TBC1D1: variants seen among roughly 807,000 people sequenced by gnomAD.
TBC1D1 encodes the protein TBC1 (tre-2/USP6, BUB2, cdc16) domain family, member 1.
A neutral mutation model predicts 125.6 loss-of-function variants in TBC1D1; 89 were observed. The observed-to-expected ratio is 0.71, with a 90% confidence interval of 0.60 to 0.85. TBC1D1 has a LOEUF of 0.85. Among genes scored for constraint, TBC1D1 ranks in the 40% least tolerant of loss-of-function variants. TBC1D1 has a pLI of 0.00. For synonymous variants in TBC1D1, 565 were observed against 564.1 expected (o/e 1.00, Z -0.02); for missense variants, 1,377 against 1,469.2 (o/e 0.94, Z 1.03).
Position 38,049,952 on chromosome 4 carries a change from C to A in TBC1D1, c.1910+54C>A. 7 of 1,540,372 alleles carry A rather than the reference C, an allele frequency of 4.5e-6. No individual in the cohort carries two copies. In the South Asian group the frequency reaches 6.1e-5, roughly 13 times the overall value. On this transcript the variant is annotated intron_variant, in intron 11 of 19. Transcript: ENST00000261439. ...ATAGCTGGGGCATATCTGTGACTAG[C>A]CAGGTATGTGCATCCCAGGTATGTT...
At chr4:38,108,656 G>A (rs190044677) in intron 15 of TBC1D1, among the ~76,000 whole-genome samples, 3 of 152,332 alleles carry the variant, frequency 2.0e-5, no homozygotes, top group Non-Finnish European at 2.9e-5. Flanking sequence ...TGTGGGTCAC[G>A]GGTCCAGCAG....
chr4:37,999,306 T>TTTAACCTACATGTTGTAGGTAAAG (rs1578210914), intron 2 of TBC1D1, among the ~76,000 whole-genome samples: 3 of 152,308 alleles, frequency 2.0e-5, no homozygotes, highest in African/African-American at 7.2e-5. Flanking sequence ...TTCTTTCATG[T>TTTAACCTACATGTTGTAGGTAAAG]TTAACCTACA....
In TBC1D1 at chr4:38,064,439, C is replaced by T. The variant is rs537702091; in HGVS notation, c.2050+10101C>T. Among the ~76,000 whole-genome samples the T allele has an allele frequency of 4.6e-5, 7 of 152,254 alleles. No individual in the cohort carries two copies. The South Asian group carries it at 1.5e-3, about 32-fold the overall frequency. On this transcript the variant is annotated intron_variant, in intron 12 of 19. Coordinates refer to ENST00000261439, the MANE Select transcript of TBC1D1 (RefSeq NM_015173.4). ...GTCCTGCTGGCCCTAGGCTTTCCTG[C>T]AGGCTGCCATGTGCCTTTCTTCTGC...
chr4:38,008,101 G>T (rs1201118385), intron 2 of TBC1D1, among the ~76,000 whole-genome samples: 1 of 152,242 alleles, frequency 6.6e-6, no homozygotes, highest in African/African-American at 2.4e-5. Flanking sequence ...AGTGCTTTCA[G>T]TGAAGGGGCT....
intron 3 of TBC1D1, 99 bp from the exon 4 acceptor site, chr4:38,018,255 G>A (rs912676562): frequency 2.2e-6 from 2 of 900,016 alleles, no homozygotes; most frequent in African/African-American, 1.7e-5. Flanking sequence ...CGATGATAGA[G>A]TCAGAATTTT....
chr4:38,030,019 G>A (rs1201720980), intron 7 of TBC1D1, among the ~76,000 whole-genome samples: 2 of 152,084 alleles, frequency 1.3e-5, no homozygotes, highest in African/African-American at 4.8e-5. Context: ...TCTAATGCTG[G>A]CCCACTTACT....
chr4:38,070,280 T>G (rs1403179534), intron 12 of TBC1D1, among the ~76,000 whole-genome samples: 1 of 152,238 alleles, frequency 6.6e-6, no homozygotes, highest in Non-Finnish European at 1.5e-5. Flanking sequence ...CAACATTTGA[T>G]TAATATATTT....
At chr4:37,925,193 C>A (rs531267881) in intron 2 of TBC1D1, among the ~76,000 whole-genome samples, 23 of 152,318 alleles carry the variant, frequency 1.5e-4, no homozygotes, top group African/African-American at 5.1e-4. Context: ...CCCGTGAATT[C>A]GAAGAAAGTG....
chr4:38,011,955 T>C (rs970672896), intron 2 of TBC1D1, among the ~76,000 whole-genome samples: 2 of 152,212 alleles, frequency 1.3e-5, no homozygotes, highest in African/African-American at 4.8e-5. Flanking sequence ...TTCATGTGAC[T>C]TCACACATTT....
intron 2 of TBC1D1, among the ~76,000 whole-genome samples, chr4:37,910,419 C>T (rs1718332098): frequency 6.6e-6 from 1 of 152,148 alleles, no homozygotes; most frequent in Non-Finnish European, 1.5e-5. Context: ...ATGTAAAAAT[C>T]TCAATAGTTT....
intron 2 of TBC1D1, among the ~76,000 whole-genome samples, chr4:37,918,759 T>G (rs572541371): frequency 1.3e-5 from 2 of 152,324 alleles, no homozygotes; most frequent in South Asian, 4.1e-4. Context: ...GGCATTTCCC[T>G]TGTAAGCCTA....
chr4:38,101,099 G>A (rs1202302508), intron 14 of TBC1D1, among the ~76,000 whole-genome samples: 3 of 152,170 alleles, frequency 2.0e-5, no homozygotes, highest in Admixed American at 6.5e-5. Flanking sequence ...TACACATAAC[G>A]TGCATGGAAT....
chr4:37,896,427 C>T (rs557258476), intron 1 of TBC1D1, among the ~76,000 whole-genome samples: 68 of 152,326 alleles, frequency 4.5e-4, no homozygotes, highest in African/African-American at 1.5e-3. Flanking sequence ...ATCCTTTCTT[C>T]ATGTACCTCC....
chr4:37,948,858 T>C (rs1727270088), intron 2 of TBC1D1, among the ~76,000 whole-genome samples: 1 of 152,214 alleles, frequency 6.6e-6, no homozygotes, highest in Non-Finnish European at 1.5e-5. Context: ...TTCACATGAA[T>C]AGAATCATGT....
intron 18 of TBC1D1, among the ~76,000 whole-genome samples, chr4:38,129,415 CGTT>C (rs1382994489): frequency 2.0e-5 from 3 of 152,142 alleles, no homozygotes; most frequent in Non-Finnish European, 4.4e-5. Flanking sequence ...TTACCACTGG[CGTT>C]GTTGAAAATT....
In TBC1D1 at chr4:38,053,231, G is replaced by C. The variant is rs567103810; in HGVS notation, c.1911-968G>C. The C allele has an allele frequency of 1.2e-5, 18 of 1,497,850 alleles. No homozygotes were observed. In the African/African-American group the frequency reaches 2.6e-4, roughly 21 times the overall value. 92.8% of individuals were successfully genotyped at this position (1,497,850 alleles called of 1,614,324 possible). On this transcript the variant is annotated intron_variant, in intron 11 of 19. Coordinates refer to ENST00000261439, the MANE Select transcript of TBC1D1 (RefSeq NM_015173.4). ...GATTTTATGAACACAAAAAGGTAGG[G>C]CTTAATTTAGATATATCAAGCCTGG... is the stretch of plus-strand genomic sequence containing the variant.
chr4:37,905,885 C>T (rs909021090), intron 2 of TBC1D1, among the ~76,000 whole-genome samples: 1 of 152,136 alleles, frequency 6.6e-6, no homozygotes, highest in Admixed American at 6.6e-5. Flanking sequence ...TGATCCCACC[C>T]GTTTAAAATT....
At chr4:37,946,482 A>G (rs1356216322) in intron 2 of TBC1D1, among the ~76,000 whole-genome samples, 4 of 152,240 alleles carry the variant, frequency 2.6e-5, no homozygotes, top group Admixed American at 1.3e-4. Context: ...GAATTATAAC[A>G]CTAAAAGGGA....
At chr4:38,066,877 AT>A (rs924412001) in intron 12 of TBC1D1, among the ~76,000 whole-genome samples, 10 of 150,686 alleles carry the variant, frequency 6.6e-5, no homozygotes, top group African/African-American at 1.7e-4. Context: ...TACTAACAAG[AT>A]TTTTTTTTTC....
Sources: allele counts gnomAD v4.1 joint callset (sites outside exome capture counted in the v4.1 genomes callset), GRCh38; gene constraint gnomAD v4.1.1; transcripts MANE v1.5; gene names NCBI Gene and HGNC (gene_info 2026-07-23, HGNC 2026-07-21).